The following SHB variants were observed in gnomAD, a reference collection of about 807,000 sequenced individuals.
SHB encodes SH2 domain-containing adapter protein B.
In SHB, 20 loss-of-function variants were observed where a neutral mutation model predicts 52.3. The observed-to-expected ratio is 0.38, with a 90% CI of 0.27 to 0.56. SHB has a LOEUF of 0.56. Among genes scored for constraint, SHB ranks in the 20% least tolerant of loss-of-function variants. The probability of loss-of-function intolerance (pLI) is 0.71; values close to 1 mark genes in which losing one functional copy is unlikely to be tolerated. For synonymous variants in SHB, 397 were observed against 316.5 expected (o/e 1.25, Z -2.70); for missense variants, 825 against 723.3 (o/e 1.14, Z -1.61).
chr9:38,057,134 C>G (rs1278420795), intron 1 of SHB, among the ~76,000 whole-genome samples: 1 of 152,168 alleles, frequency 6.6e-6, no homozygotes, highest in African/African-American at 2.4e-5. Flanking sequence ...CAAAGATGTT[C>G]ATTACGGCAC....
chr9:38,020,682 CA>C (rs1821270261), intron 1 of SHB, among the ~76,000 whole-genome samples: 1 of 152,168 alleles, frequency 6.6e-6, no homozygotes, highest in African/African-American at 2.4e-5. Flanking sequence ...AGAGGGCTAC[CA>C]AAATCTCACA....
intron 3 of SHB, among the ~76,000 whole-genome samples, chr9:37,971,835 G>A (rs1587220683): frequency 6.6e-6 from 1 of 152,340 alleles, no homozygotes; most frequent in East Asian, 1.9e-4. Context: ...AAATGTACAG[G>A]AGTTCTAAAA....
chr9:37,928,561 C>T (rs147617738), intron 5 of SHB, among the ~76,000 whole-genome samples: 7 of 152,310 alleles, frequency 4.6e-5, no homozygotes, highest in Non-Finnish European at 1.5e-5. Context: ...ACAGCACAGC[C>T]CCCACAACAA....
chr9:38,063,071 G>A (rs1213354181), intron 1 of SHB, among the ~76,000 whole-genome samples: 1 of 152,200 alleles, frequency 6.6e-6, no homozygotes, highest in Non-Finnish European at 1.5e-5. Context: ...CCCTTCTGGG[G>A]AATCAACCAG....
chr9:38,006,346 C>T (rs973810041), intron 2 of SHB, among the ~76,000 whole-genome samples: 6 of 152,210 alleles, frequency 3.9e-5, no homozygotes, highest in African/African-American at 7.2e-5. Context: ...ACTTCCTAAT[C>T]GTGCCACACC....
chr9:37,964,627 GTTAGACGTGAAC>G (rs1342343277), intron 3 of SHB, among the ~76,000 whole-genome samples: 1 of 152,208 alleles, frequency 6.6e-6, no homozygotes, highest in African/African-American at 2.4e-5. Context: ...AGAGTCAACA[GTTAGACGTGAAC>G]TTGGACTTGA....
chr9:37,995,123 G>T (rs565633518), intron 2 of SHB, among the ~76,000 whole-genome samples: 4 of 152,234 alleles, frequency 2.6e-5, no homozygotes, highest in African/African-American at 9.6e-5. Flanking sequence ...TTCCTCACTC[G>T]AGAACAGGCT....
intron 1 of SHB, among the ~76,000 whole-genome samples, chr9:38,044,668 G>A (rs1564109455): frequency 6.6e-6 from 1 of 152,254 alleles, no homozygotes; most frequent in Non-Finnish European, 1.5e-5. Context: ...AAAATGTAGA[G>A]TCTTGGCTGC....
intron 5 of SHB, among the ~76,000 whole-genome samples, chr9:37,942,036 C>T (rs982778082): frequency 6.6e-6 from 1 of 152,216 alleles, no homozygotes; most frequent in African/African-American, 2.4e-5. Context: ...CCCAGACATG[C>T]CTACTGTTTG....
intron 5 of SHB, 141 bp from the exon 6 acceptor site, chr9:37,920,145 C>T (rs1473190304): frequency 1.5e-6 from 1 of 658,796 alleles, no homozygotes. Context: ...AGGACCGAGG[C>T]CCAGGACCAG....
At chr9:38,001,207 C>CAGAA (rs1821009394) in intron 2 of SHB, among the ~76,000 whole-genome samples, 2 of 152,218 alleles carry the variant, frequency 1.3e-5, no homozygotes, top group Non-Finnish European at 2.9e-5. Flanking sequence ...GCCCCTTTCT[C>CAGAA]CTCTGAAAGG....
intron 2 of SHB, among the ~76,000 whole-genome samples, chr9:37,985,236 G>A (rs370308660): frequency 1.5e-4 from 23 of 152,350 alleles, no homozygotes; most frequent in African/African-American, 5.5e-4. Flanking sequence ...CAAGGGAAAG[G>A]CCCAAGTCTG....
chr9:38,024,101 G>C (rs980650382), intron 1 of SHB, among the ~76,000 whole-genome samples: 1 of 152,228 alleles, frequency 6.6e-6, no homozygotes, highest in African/African-American at 2.4e-5. Context: ...TACCTTCTAA[G>C]ATCTGGCTTG....
chr9:38,004,763 C>T (rs1436315979), intron 2 of SHB, among the ~76,000 whole-genome samples: 1 of 152,166 alleles, frequency 6.6e-6, no homozygotes, highest in Non-Finnish European at 1.5e-5. Context: ...CCAGCGTCCA[C>T]GCAGAGACTC....
chr9:37,941,654 C>G (rs139187653), intron 5 of SHB, among the ~76,000 whole-genome samples: 1 of 152,334 alleles, frequency 6.6e-6, no homozygotes, highest in African/African-American at 2.4e-5. Flanking sequence ...GCTTCATCAT[C>G]CCTGCAGGGG....
intron 5 of SHB, among the ~76,000 whole-genome samples, chr9:37,935,864 G>A (rs1227476134): frequency 6.6e-6 from 1 of 151,930 alleles, no homozygotes; most frequent in Non-Finnish European, 1.5e-5. Context: ...AGACAGAGCC[G>A]GAACCAGAAA....
At chr9:37,961,701 A>C (rs1319649562) in intron 3 of SHB, among the ~76,000 whole-genome samples, 10 of 151,830 alleles carry the variant, frequency 6.6e-5, no homozygotes, top group Non-Finnish European at 1.5e-5. Context: ...CTCTGCAAAA[A>C]CCCCAGCTAT....
In SHB at chr9:37,974,763, C is replaced by T; in HGVS notation, c.913G>A (p.Gly305Ser). 1 of 1,614,160 alleles carries T rather than the reference C, an allele frequency of 6.2e-7. No homozygotes were observed. Among genetic ancestry groups the T allele is most frequent in the Non-Finnish European group, 8.5e-7 (1 of 1,180,016 alleles). ...QLYDTPYEPE[G>S]QSVDSDSEST... ...TCCGAGTCTGAGTCAACACTTTGGC[C>T]TTCAGGTTCGTAAGGGGTGTCATAT... Residue 305 changes from glycine (G) to serine (S), a missense_variant, in exon 3 of 6, where the codon GGC (glycine) becomes AGC (serine). Coordinates refer to ENST00000377707, the MANE Select transcript of SHB (RefSeq NM_003028.3).
intron 1 of SHB, among the ~76,000 whole-genome samples, chr9:38,031,439 G>C (rs376708089): frequency 1.5e-4 from 23 of 152,326 alleles, no homozygotes; most frequent in African/African-American, 5.3e-4. Context: ...AGTAAGTTTA[G>C]CTTCATAAGA....
Sources: allele counts gnomAD v4.1 joint callset (sites outside exome capture counted in the v4.1 genomes callset), GRCh38; gene constraint gnomAD v4.1.1; transcripts MANE v1.5; gene names NCBI Gene and HGNC (gene_info 2026-07-23, HGNC 2026-07-21).